SPATA13: variants seen among roughly 807,000 people sequenced by gnomAD.
SPATA13 encodes the protein spermatogenesis-associated protein 13.
In SPATA13, 50 loss-of-function variants were observed where a neutral mutation model predicts 104.0. That is an observed-to-expected ratio of 0.48 (90% CI 0.38 to 0.61). SPATA13 has a LOEUF of 0.61. SPATA13 is among the 20% of genes least tolerant of loss of function. The pLI is 0.00. For missense variants in SPATA13, 1,524 were observed against 1,690.6 expected, an observed-to-expected ratio of 0.90 and a Z score of 1.73; for synonymous variants, 606 against 667.5, an observed-to-expected ratio of 0.91 and a Z score of 1.42.
At chr13:24,276,685 C>T (rs1875007696) in intron 4 of SPATA13, among the ~76,000 whole-genome samples, 1 of 152,150 alleles carries the variant, frequency 6.6e-6, no homozygotes, top group Non-Finnish European at 1.5e-5. Flanking sequence ...TATTATAATA[C>T]ATTCATTTCT....
intron 2 of SPATA13, among the ~76,000 whole-genome samples, chr13:24,003,076 A>G (rs1338098244): frequency 6.6e-6 from 1 of 152,162 alleles, no homozygotes; most frequent in Non-Finnish European, 1.5e-5. Context: ...CAGTCTTCCG[A>G]ACTACAGCAT....
intron 1 of SPATA13, among the ~76,000 whole-genome samples, chr13:24,200,770 G>C (rs183715620): frequency 2.6e-5 from 4 of 151,116 alleles, no homozygotes; most frequent in Non-Finnish European, 5.9e-5. Context: ...ATGACTGTTG[G>C]TCACCTCCGG....
intron 3 of SPATA13, among the ~76,000 whole-genome samples, chr13:24,075,944 T>C (rs1879310437): frequency 6.6e-6 from 1 of 152,136 alleles, no homozygotes; most frequent in South Asian, 2.1e-4. Flanking sequence ...AAAAATAGTC[T>C]AGAATGGGGG....
rs770885063 is a variant in SPATA13, at chr13:24,224,760, A to C, written c.1653+178A>C. Reference sequence around the variant, plus strand: ...GTTGCTGTTTACCAAGTTCAGAAGTAATCTCTATCTCCTTTGAAATAAATT... The same window carrying C: ...GTTGCTGTTTACCAAGTTCAGAAGTCATCTCTATCTCCTTTGAAATAAATT... On this transcript the variant is annotated intron_variant, in intron 2 of 12. Transcript: ENST00000382108. 4.3e-6 allele frequency: 3 copies of C among 693,230 alleles called. No individual in the cohort carries two copies. In the South Asian group the frequency reaches 4.5e-5, roughly 10 times the overall value. 42.9% of individuals were successfully genotyped at this position (693,230 alleles called of 1,614,324 possible). A position where few individuals can be genotyped will look rare whatever the true frequency, so the allele number is the denominator to read the frequency against.
chr13:24,156,316 C>CCTGT (rs1882255558), upstream of SPATA13, among the ~76,000 whole-genome samples: 1 of 152,162 alleles, frequency 6.6e-6, no homozygotes, highest in South Asian at 2.1e-4. Context: ...TCCTCTTTTG[C>CCTGT]CTGTAGCTGC....
At chr13:24,136,264 G>A (rs1731503201) in intron 3 of SPATA13, among the ~76,000 whole-genome samples, 1 of 152,170 alleles carries the variant, frequency 6.6e-6, no homozygotes, top group African/African-American at 2.4e-5. Flanking sequence ...ATCACCTGAG[G>A]TCGGGAGTTT....
intron 3 of SPATA13, among the ~76,000 whole-genome samples, chr13:24,084,497 G>A (rs1383707077): frequency 6.6e-6 from 1 of 151,028 alleles, no homozygotes; most frequent in Non-Finnish European, 1.5e-5. Context: ...GCACCACCTG[G>A]GTTTCCTTTC....
intron 3 of SPATA13, among the ~76,000 whole-genome samples, chr13:24,082,398 C>T (rs1879550106): frequency 1.3e-5 from 2 of 152,114 alleles, no homozygotes; most frequent in Non-Finnish European, 1.5e-5. Context: ...ATGTCTGTGG[C>T]GGGGAGGGTA....
At chr13:24,201,297 C>T (rs578238499) in intron 1 of SPATA13, among the ~76,000 whole-genome samples, 4 of 152,088 alleles carry the variant, frequency 2.6e-5, no homozygotes, top group Admixed American at 2.6e-4. Context: ...TTTTTTAGAG[C>T]ACTTTTAGGT....
chr13:24,201,808 T>A (rs58665180), intron 1 of SPATA13, among the ~76,000 whole-genome samples: 7,783 of 152,258 alleles, frequency 0.051, 606 homozygotes, highest in African/African-American at 0.17. Context: ...ACCATTATGA[T>A]GTTGTACAAA....
chr13:24,025,828 G>A (rs1418042958), intron 3 of SPATA13, among the ~76,000 whole-genome samples: 2 of 94,500 alleles, frequency 2.1e-5, no homozygotes, highest in African/African-American at 8.4e-5. Context: ...TTTTTTTTTT[G>A]AGACGGAGTC....
chr13:24,137,064 T>A lies in SPATA13; in HGVS notation c.-111-85755T>A, dbSNP rs1260904684. On this transcript the variant is annotated intron_variant, in intron 3 of 14. Transcript: ENST00000424834. ...CCGGGATGGTCTCAATCTCCTGACC[T>A]CGTGATCCGCCCGCCTCGGCCTCCC... 2.5e-4 allele frequency among the ~76,000 whole-genome samples: 9 copies of A among 36,456 alleles called. 4 individuals carry two copies. The highest frequency in any genetic ancestry group is 7.3e-4 in the Admixed American group (2 of 2,752). The allele number at this position is 36,456 out of a possible 152,430, so 23.9% of individuals were successfully genotyped here. A position where few individuals can be genotyped will look rare whatever the true frequency, so the allele number is the denominator to read the frequency against.
chr13:24,149,632 G>A (rs1024216452), intron 3 of SPATA13, among the ~76,000 whole-genome samples: 11 of 152,208 alleles, frequency 7.2e-5, no homozygotes, highest in African/African-American at 1.9e-4. Flanking sequence ...GTAGTGCAGC[G>A]TCCTGAATTT....
At chr13:24,158,776 G>A (rs571002059), upstream of SPATA13, among the ~76,000 whole-genome samples, 1 of 152,208 alleles carries the variant, frequency 6.6e-6, no homozygotes, top group South Asian at 2.1e-4. Context: ...CCAATGCAGA[G>A]TGAGGTCCCA....
chr13:24,056,472 C>T (rs1310222750), intron 3 of SPATA13, among the ~76,000 whole-genome samples: 1 of 152,220 alleles, frequency 6.6e-6, no homozygotes, highest in Non-Finnish European at 1.5e-5. Flanking sequence ...GCTCACCTTA[C>T]ATGCTCCCAT....
In SPATA13 at chr13:24,258,402, C is replaced by T. The variant is rs908136087; in HGVS notation, c.2164+6540C>T. Among the ~76,000 whole-genome samples, 4 of 147,822 alleles carry T rather than the reference C, an allele frequency of 2.7e-5. No homozygotes were observed. The East Asian group carries it at 5.9e-4, about 22-fold the overall frequency. ...AAAAAAAAGGCCAGGCACGGTGGCTCATGTCTGTAATCCCAGCACTTTGGG... is the reference window on the plus strand; with the variant it reads ...AAAAAAAAGGCCAGGCACGGTGGCTTATGTCTGTAATCCCAGCACTTTGGG... On this transcript the variant is annotated intron_variant, in intron 4 of 12. Coordinates refer to ENST00000382108, the MANE Select transcript of SPATA13 (RefSeq NM_001166271.3).
At chr13:24,176,618 C>A (rs1868450440) in intron 1 of SPATA13, among the ~76,000 whole-genome samples, 1 of 151,960 alleles carries the variant, frequency 6.6e-6, no homozygotes, top group African/African-American at 2.4e-5. Flanking sequence ...CCAGAAATGA[C>A]CCTCAGTCAG....
chr13:24,281,333 G>A (rs1382680426), intron 4 of SPATA13, among the ~76,000 whole-genome samples: 2 of 152,212 alleles, frequency 1.3e-5, no homozygotes, highest in African/African-American at 4.8e-5. Context: ...CCAAAACTGG[G>A]GATGGGCCCA....
At chr13:24,071,690 G>A (rs765421957) in intron 3 of SPATA13, among the ~76,000 whole-genome samples, 2 of 152,154 alleles carry the variant, frequency 1.3e-5, no homozygotes, top group Non-Finnish European at 2.9e-5. Flanking sequence ...AATGTTCCTT[G>A]CTGGCATTGT....
Sources: gnomAD v4.1 joint callset for allele counts (sites outside exome capture counted in the v4.1 genomes callset) on GRCh38, gnomAD v4.1.1 for gene constraint, MANE v1.5 for transcripts, NCBI Gene and HGNC (gene_info 2026-07-23, HGNC 2026-07-21) for gene names.